CLASP1: variants seen among roughly 807,000 people sequenced by gnomAD.
CLASP1 encodes the protein CLIP-associating protein 1.
CLASP1 carries 38 observed loss-of-function variants against 192.3 expected under a neutral mutation model. The ratio of observed to expected loss-of-function variants is 0.20; its 90% CI spans 0.15 to 0.26. CLASP1 has a LOEUF of 0.26. Ranked by LOEUF, CLASP1 falls within the 10% of genes least tolerant of loss-of-function variation. The pLI, the probability that CLASP1 is intolerant of heterozygous loss-of-function variation, is 1.00. For synonymous variants in CLASP1, 691 were observed against 712.8 expected, an observed-to-expected ratio of 0.97 and a Z score of 0.49; for missense variants, 1,433 against 1,932.5, an observed-to-expected ratio of 0.74 and a Z score of 4.85.
At chr2:121,377,629 T>C (rs1401293394) in exon 34 of CLASP1, 1 of 1,587,174 alleles carries the variant, frequency 6.3e-7, no homozygotes. Context: ...GTTCAGGTTC[T>C]CTGTATCATA....
Position 121,427,897 on chromosome 2 carries a change from G to A in CLASP1, c.2018-467C>T, listed in dbSNP as rs144117131. ...TAAGGGCCCTAAATCTAATATTAAT[G>A]AAGCCTACTTAGTATTAAATCAGGA... On this transcript the variant is annotated intron_variant, in intron 20 of 39. Coordinates refer to ENST00000263710, the Ensembl canonical transcript of CLASP1. Among the ~76,000 whole-genome samples the A allele has an allele frequency of 7.3e-4, 111 of 152,184 alleles. 1 individual carries two copies. Among genetic ancestry groups the A allele is most frequent in the African/African-American group, 2.5e-3 (102 of 41,522 alleles).
At chr2:121,474,505 G>C (rs1211872577) in intron 8 of CLASP1, among the ~76,000 whole-genome samples, 1 of 152,172 alleles carries the variant, frequency 6.6e-6, no homozygotes, top group Non-Finnish European at 1.5e-5. Flanking sequence ...GGGCGGCCGA[G>C]GCAGGCAGAT....
chr2:121,492,323 A>T (rs1193043980), intron 8 of CLASP1, among the ~76,000 whole-genome samples: 1 of 139,376 alleles, frequency 7.2e-6, no homozygotes, highest in Non-Finnish European at 1.5e-5. Context: ...CGGGAGGCGG[A>T]GCTTGCAGTG....
intron 1 of CLASP1, among the ~76,000 whole-genome samples, chr2:121,625,427 A>ATTTTTTT (rs397868546): frequency 9.4e-5 from 9 of 95,752 alleles, no homozygotes; most frequent in South Asian, 3.4e-4. Context: ...TCTTTCTTTC[A>ATTTTTTT]TTTTTTTTTT....
In CLASP1 at chr2:121,425,324, T is replaced by C. The variant is rs375881746; in HGVS notation, c.2045-18A>G. The C allele has an allele frequency of 2.1e-5, 34 of 1,608,560 alleles. No homozygotes were observed. Among genetic ancestry groups the C allele is most frequent in the Non-Finnish European group, 2.8e-5 (33 of 1,177,422 alleles). On this transcript the variant is annotated intron_variant, in intron 21 of 39. Coordinates refer to ENST00000263710, the Ensembl canonical transcript of CLASP1. ...GCTGCCAGCTAAAAGTGAAGCAAAA[T>C]GACAATGAATAATAGATGTAAATGT...
At chr2:121,362,390 CT>C (rs78622927) in intron 37 of CLASP1, among the ~76,000 whole-genome samples, 18,825 of 152,214 alleles carry the variant, frequency 0.12, 1,969 homozygotes, top group East Asian at 0.47. Flanking sequence ...TGAGTTTTTG[CT>C]GAGTGTGCAC....
intron 20 of CLASP1, 134 bp from the exon 21 acceptor site, chr2:121,427,564 T>G: frequency 1.2e-6 from 1 of 846,392 alleles, no homozygotes; most frequent in Non-Finnish European, 1.9e-6. Context: ...CTATATTTCC[T>G]AGGACTTGTT....
At chr2:121,368,040 TCTTTACG>T (rs1011599632) in intron 34 of CLASP1, among the ~76,000 whole-genome samples, 22 of 152,294 alleles carry the variant, frequency 1.4e-4, no homozygotes, top group African/African-American at 5.3e-4. Context: ...TTGCATCTAG[TCTTTACG>T]CTTTAAATCT....
chr2:121,443,544 T>C (rs980265035), intron 19 of CLASP1, among the ~76,000 whole-genome samples: 4 of 152,212 alleles, frequency 2.6e-5, no homozygotes, highest in African/African-American at 9.6e-5. Context: ...AAGAAAATTA[T>C]CAACCAGCTT....
In CLASP1 at chr2:121,387,252, C is replaced by T. The variant is rs375771939; in HGVS notation, c.3268-24G>A. 6.0e-4 allele frequency: 889 copies of T among 1,491,808 alleles called. 2 individuals carry two copies. The highest frequency in any genetic ancestry group is 3.8e-3 in the South Asian group (294 of 76,852). The allele number at this position is 1,491,808 out of a possible 1,614,324, so 92.4% of individuals were successfully genotyped here. A position where few individuals can be genotyped will look rare whatever the true frequency, so the allele number is the denominator to read the frequency against. On this transcript the variant is annotated intron_variant, in intron 31 of 39. Transcript: ENST00000263710. The stretch of plus-strand genomic sequence containing the variant: ...CCCTGGGGTGAAGCAGAATAGGCAT[C>T]GTTATTCAAGGGCTGTATATAGAAT...
chr2:121,397,148 C>T (rs1490963928), exon 30 of CLASP1: 7 of 1,613,776 alleles, frequency 4.3e-6, no homozygotes, highest in Middle Eastern at 1.6e-4. Flanking sequence ...ACCTTTCTCA[C>T]GTCTGAACTC....
intron 23 of CLASP1, among the ~76,000 whole-genome samples, chr2:121,412,323 T>A (rs180670797): frequency 2.6e-5 from 4 of 152,186 alleles, no homozygotes; most frequent in Admixed American, 6.5e-5. Context: ...CCAACTGTCA[T>A]CTTAACCATT....
intron 2 of CLASP1, among the ~76,000 whole-genome samples, chr2:121,578,204 A>G (rs2060732523): frequency 6.6e-6 from 1 of 151,972 alleles, no homozygotes; most frequent in African/African-American, 2.4e-5. Flanking sequence ...AAGTGCAAGG[A>G]TTACACAGGC....
intron 2 of CLASP1, chr2:121,531,023 C>G (rs936064384): frequency 2.9e-6 from 2 of 700,256 alleles, no homozygotes; most frequent in Non-Finnish European, 5.2e-6. Flanking sequence ...AACCTGTTTT[C>G]ATAGACTTAT....
At chr2:121,350,653 A>T (rs1432495240) in intron 37 of CLASP1, among the ~76,000 whole-genome samples, 1 of 152,318 alleles carries the variant, frequency 6.6e-6, no homozygotes, top group Middle Eastern at 3.4e-3. Context: ...AATTTTTCCA[A>T]CACTAGACAG....
chr2:121,385,569 T>C (rs1432349635), intron 32 of CLASP1, among the ~76,000 whole-genome samples: 1 of 152,246 alleles, frequency 6.6e-6, no homozygotes, highest in Admixed American at 6.5e-5. Context: ...TGAATGATAC[T>C]AACAGCACTA....
intron 2 of CLASP1, among the ~76,000 whole-genome samples, chr2:121,589,313 T>G (rs1363992293): frequency 6.6e-6 from 1 of 152,166 alleles, no homozygotes. Context: ...ATCACACACT[T>G]ACCCCTCACT....
intron 8 of CLASP1, among the ~76,000 whole-genome samples, chr2:121,470,945 T>C (rs2090611021): frequency 6.6e-6 from 1 of 152,216 alleles, no homozygotes; most frequent in Admixed American, 6.5e-5. Context: ...GTAAGTTCAT[T>C]AACTTTTAAA....
chr2:121,579,449 A>G (rs2060900389), intron 2 of CLASP1, among the ~76,000 whole-genome samples: 1 of 152,114 alleles, frequency 6.6e-6, no homozygotes. Context: ...CATCATCTCA[A>G]AAGAAACCGT....
Sources: gnomAD v4.1 joint callset for allele counts (sites outside exome capture counted in the v4.1 genomes callset) on GRCh38, gnomAD v4.1.1 for gene constraint, MANE v1.5 for transcripts, NCBI Gene and HGNC (gene_info 2026-07-23, HGNC 2026-07-21) for gene names.